TPP2: variants seen among roughly 807,000 people sequenced by gnomAD.
The protein encoded by TPP2 is tripeptidyl-peptidase 2.
Under a neutral mutation model 155.9 loss-of-function variants are expected in TPP2, and 34 were observed. The observed-to-expected ratio is 0.22, with a 90% CI of 0.17 to 0.29. The LOEUF (loss-of-function observed/expected upper bound fraction) is 0.29. Among genes scored for constraint, TPP2 ranks in the 10% least tolerant of loss-of-function variants. The pLI, the probability that TPP2 is intolerant of heterozygous loss-of-function variation, is 1.00. For synonymous variants in TPP2, 510 were observed against 529.4 expected, an observed-to-expected ratio of 0.96 and a Z score of 0.50; for missense variants, 1,028 against 1,522.3, an observed-to-expected ratio of 0.68 and a Z score of 5.40.
intron 25 of TPP2, among the ~76,000 whole-genome samples, chr13:102,660,017 G>A (rs889267862): frequency 3.3e-5 from 5 of 151,856 alleles, no homozygotes; most frequent in Admixed American, 3.3e-4. Context: ...ATTAATTGGT[G>A]TATTACAGTA....
intron 1 of TPP2, among the ~76,000 whole-genome samples, chr13:102,601,535 C>G (rs577603213): frequency 9.8e-5 from 15 of 152,316 alleles, no homozygotes; most frequent in Non-Finnish European, 1.8e-4. Flanking sequence ...TCTGTTTCAT[C>G]CAGCCAACAT....
chr13:102,598,884 T>C (rs1879207517), intron 1 of TPP2, among the ~76,000 whole-genome samples: 1 of 152,254 alleles, frequency 6.6e-6, no homozygotes. Context: ...ACATGTGACT[T>C]TTTTAAATGC....
intron 2 of TPP2, among the ~76,000 whole-genome samples, chr13:102,613,697 T>C (rs933552591): frequency 1.3e-5 from 2 of 152,224 alleles, no homozygotes; most frequent in East Asian, 1.9e-4. Flanking sequence ...GCAAGTAATT[T>C]GATTTCTCTG....
In TPP2 at chr13:102,649,411, A is replaced by G. The variant is rs376016243; in HGVS notation, c.2877A>G (p.Ile959Met). 6.2e-7 allele frequency: 1 copy of G among 1,610,172 alleles called. No individual in the cohort carries two copies. The highest frequency in any genetic ancestry group is 8.5e-7 in the Non-Finnish European group (1 of 1,178,832). Reference sequence around the variant, plus strand: ...CTCTTTGAATTCTCTTGTTTAGAATACCTAAAGGGGCAGGACCTGGATGCT... The same window carrying G: ...CTCTTTGAATTCTCTTGTTTAGAATGCCTAAAGGGGCAGGACCTGGATGCT... ...FFVTSLPDDK[I>M]PKGAGPGCYL... Residue 959 changes from isoleucine to methionine, a missense_variant, in exon 23 of 30, where the codon ATA (isoleucine) becomes ATG (methionine). Around this residue, in one of 7 missense-constraint regions of TPP2, gnomAD observed 179 missense variants for 274.7 expected, o/e 0.65. Coordinates refer to ENST00000376052, the MANE Select transcript of TPP2 (RefSeq NM_001330588.2).
At chr13:102,613,362 T>C (rs1791471201) in intron 2 of TPP2, among the ~76,000 whole-genome samples, 1 of 152,194 alleles carries the variant, frequency 6.6e-6, no homozygotes, top group Admixed American at 6.5e-5. Context: ...CAGCTCTGAG[T>C]GTTTCAACCT....
chr13:102,616,568 T>A, intron 4 of TPP2, 68 bp downstream of exon 4: 1 of 1,252,622 alleles, frequency 8.0e-7, no homozygotes, highest in Non-Finnish European at 1.1e-6. Context: ...TCTACAGAAC[T>A]AATAGACTGT....
chr13:102,640,684 C>G (rs1437979312), intron 16 of TPP2, among the ~76,000 whole-genome samples: 3 of 112,978 alleles, frequency 2.7e-5, no homozygotes, highest in Non-Finnish European at 5.0e-5. Flanking sequence ...CAGAGTCTCA[C>G]TCTGTCGCCA....
At chr13:102,676,621 T>C (rs1885294356) in intron 29 of TPP2, among the ~76,000 whole-genome samples, 2 of 152,230 alleles carry the variant, frequency 1.3e-5, no homozygotes, top group South Asian at 2.1e-4. Flanking sequence ...TTTTCACTGC[T>C]ATCCAAAAAA....
chr13:102,606,377 G>A (rs867587652), intron 2 of TPP2, among the ~76,000 whole-genome samples: 1 of 152,144 alleles, frequency 6.6e-6, no homozygotes, highest in Non-Finnish European at 1.5e-5. Context: ...ATTCCATGGG[G>A]TAGGAGTCCA....
At chr13:102,646,482 TG>T (rs1883110034) in intron 20 of TPP2, 92 bp downstream of exon 20, 1 of 834,502 alleles carries the variant, frequency 1.2e-6, no homozygotes, top group African/African-American at 1.8e-5. Context: ...ACAGTGTATA[TG>T]GTATATATAA....
intron 11 of TPP2, 108 bp from the exon 12 acceptor site, chr13:102,635,479 C>G (rs1469719739): frequency 1.4e-6 from 1 of 706,134 alleles, no homozygotes; most frequent in African/African-American, 1.8e-5. Flanking sequence ...AGTGTTAGAA[C>G]ACAAGACATT....
At chr13:102,617,161 A>G (rs1260627885) in intron 4 of TPP2, among the ~76,000 whole-genome samples, 1 of 151,532 alleles carries the variant, frequency 6.6e-6, no homozygotes, top group Non-Finnish European at 1.5e-5. Context: ...TGATACGCCC[A>G]CCTTGGCCTC....
rs758344034 is a variant in TPP2, at chr13:102,604,849, C to A, written c.222C>A (p.Gly74=). The change falls in exon 2 of 30, where the codon GGC becomes GGA. Residue 74 remains glycine, a synonymous_variant. Coordinates refer to ENST00000376052, the MANE Select transcript of TPP2 (RefSeq NM_001330588.2). ...IVDIIDTTGS[G]DVNTATEVEP... is the part of the protein sequence containing the mutation. ...ATATCATTGATACAACAGGAAGTGG[C>A]GATGTGAATACTGCTACAGAAGTAG... is the stretch of plus-strand genomic sequence containing the variant. The A allele has an allele frequency of 5.6e-6, 9 of 1,613,792 alleles. No individual in the cohort carries two copies. The African/African-American group carries it at 8.0e-5, about 14-fold the overall frequency.
chr13:102,627,043 T>C lies in TPP2; in HGVS notation c.816T>C (p.Ala272=). 3 of 1,599,424 alleles carry C rather than the reference T, an allele frequency of 1.9e-6. No homozygotes were observed. Among genetic ancestry groups the C allele is most frequent in the Non-Finnish European group, 2.6e-6 (3 of 1,173,114 alleles). The change falls in exon 7 of 30, where the codon GCT becomes GCC. Residue 272 remains alanine, a synonymous_variant. Coordinates refer to ENST00000376052, the MANE Select transcript of TPP2 (RefSeq NM_001330588.2). The part of the protein sequence containing the change: ...GAHGTHVASI[A]AGHFPEEPER... Reference sequence around the variant, plus strand: ...ATGGGACACATGTAGCTAGTATAGCTGCTGGACACTTTCCAGAAGAACCTG... The same window carrying C: ...ATGGGACACATGTAGCTAGTATAGCCGCTGGACACTTTCCAGAAGAACCTG...
chr13:102,665,497 C>T lies in TPP2; in HGVS notation c.3371+572C>T, dbSNP rs370446424. On this transcript the variant is annotated intron_variant, in intron 27 of 29. Transcript: ENST00000376052. ...GCTGTGTGTAAATAGAGAAGCTTCC[C>T]TGGGTTTATGAGTGGTTGGTATGGT... Among the ~76,000 whole-genome samples, 1,243 of 152,120 alleles carry T rather than the reference C, an allele frequency of 8.2e-3. 8 individuals carry two copies. Among genetic ancestry groups the T allele is most frequent in the Non-Finnish European group, 0.014 (964 of 67,970 alleles).
chr13:102,625,796 TCTC>T (rs553646384), intron 6 of TPP2, among the ~76,000 whole-genome samples: 268 of 152,272 alleles, frequency 1.8e-3, no homozygotes, highest in Non-Finnish European at 1.9e-3. Context: ...CCTGCCTACT[TCTC>T]CTGGAGCTCC....
intron 27 of TPP2, among the ~76,000 whole-genome samples, chr13:102,669,200 T>C (rs1566373275): frequency 2.0e-5 from 3 of 152,202 alleles, no homozygotes. Flanking sequence ...AAAGTAAGGG[T>C]AAATAAGGCT....
intron 27 of TPP2, among the ~76,000 whole-genome samples, chr13:102,673,674 C>A (rs1165648716): frequency 1.3e-5 from 2 of 152,232 alleles, no homozygotes; most frequent in Non-Finnish European, 2.9e-5. Context: ...AATCCTGGAT[C>A]TGCCACTTCC....
At chr13:102,600,229 G>T (rs1879320875) in intron 1 of TPP2, among the ~76,000 whole-genome samples, 1 of 151,982 alleles carries the variant, frequency 6.6e-6, no homozygotes, top group Non-Finnish European at 1.5e-5. Flanking sequence ...TCACCTAGAT[G>T]TTTCAGGTCT....
Sources: gnomAD v4.1 joint callset for allele counts (sites outside exome capture counted in the v4.1 genomes callset) on GRCh38, gnomAD v4.1.1 for gene constraint, gnomAD v4.1.1 regional missense constraint, MANE v1.5 for transcripts, NCBI Gene and HGNC (gene_info 2026-07-23, HGNC 2026-07-21) for gene names.